The following RYR3 variants were observed in gnomAD, a reference collection of about 807,000 sequenced individuals.
The protein encoded by RYR3 is brain ryanodine receptor-calcium release channel.
RYR3 carries 207 observed loss-of-function variants against 584.3 expected under a neutral mutation model. That is an observed-to-expected ratio of 0.35 (90% CI 0.32 to 0.40). The LOEUF is 0.40. Among genes scored for constraint, RYR3 ranks in the 10% least tolerant of loss-of-function variants. The pLI is 1.00. For synonymous variants in RYR3, 2,416 were observed against 2,248.5 expected (o/e 1.07, Z -2.11); for missense variants, 5,616 against 6,089.2 (o/e 0.92, Z 2.59).
At position 33,660,296 on chromosome 15, in the gene RYR3, C is replaced by T. The variant is rs757410936; in HGVS notation, c.4495C>T (p.Leu1499Phe). 12 of 1,571,180 alleles carry T rather than the reference C, an allele frequency of 7.6e-6. 1 individual carries two copies. In the Admixed American group the frequency reaches 2.2e-4, roughly 29 times the overall value. ...GGACGTCCAAACCATCCAGCCCGTG[C>T]TCTGGAGCCGCATGCCCAACAGCTT... ...RLDVQTIQPV[L>F]WSRMPNSFLK... Residue 1499 changes from leucine (L) to phenylalanine (F), a missense_variant, in exon 34 of 104, where the codon CTC becomes TTC. Leu to Phe is a conservative substitution (Grantham distance 22). Transcript: ENST00000634891.
At chr15:33,642,960 A>G (rs1222029915) in intron 27 of RYR3, among the ~76,000 whole-genome samples, 2 of 152,250 alleles carry the variant, frequency 1.3e-5, no homozygotes, top group Non-Finnish European at 2.9e-5. Flanking sequence ...TATAGTTTCT[A>G]AAAGCAACCA....
chr15:33,573,065 T>C (rs2058119245), intron 12 of RYR3, among the ~76,000 whole-genome samples: 1 of 152,198 alleles, frequency 6.6e-6, no homozygotes. Flanking sequence ...AGATTGTTAT[T>C]TTGAATGATT....
At chr15:33,683,496 A>G (rs1272896789) in intron 38 of RYR3, among the ~76,000 whole-genome samples, 3 of 152,158 alleles carry the variant, frequency 2.0e-5, no homozygotes, top group Non-Finnish European at 4.4e-5. Flanking sequence ...TGAAAATCCT[A>G]CCAAAATTGG....
chr15:33,617,758 G>A (rs150757765), intron 19 of RYR3, among the ~76,000 whole-genome samples: 113 of 123,168 alleles, frequency 9.2e-4, no homozygotes, highest in African/African-American at 3.2e-3. Flanking sequence ...CCTGCCAGCC[G>A]TCATCGAAGA....
At chr15:33,592,843 G>T (rs982428010) in intron 16 of RYR3, among the ~76,000 whole-genome samples, 1 of 152,192 alleles carries the variant, frequency 6.6e-6, no homozygotes, top group East Asian at 1.9e-4. Flanking sequence ...TTTTGCCAAG[G>T]TTGAGGACGT....
At chr15:33,755,974 A>G (rs1054055555) in intron 58 of RYR3, among the ~76,000 whole-genome samples, 2 of 152,112 alleles carry the variant, frequency 1.3e-5, no homozygotes, top group African/African-American at 2.4e-5. Flanking sequence ...GGGTTTCACC[A>G]TGTTGTCCAG....
At chr15:33,666,225 C>A (rs1358728338) in intron 36 of RYR3, among the ~76,000 whole-genome samples, 1 of 152,088 alleles carries the variant, frequency 6.6e-6, no homozygotes, top group South Asian at 2.1e-4. Flanking sequence ...AGGCTGGTCT[C>A]GAACTCCTGA....
At chr15:33,767,475 A>G (rs1329827730) in intron 60 of RYR3, among the ~76,000 whole-genome samples, 1 of 152,190 alleles carries the variant, frequency 6.6e-6, no homozygotes, top group African/African-American at 2.4e-5. Flanking sequence ...AGCCATGGGA[A>G]CTTTTGTTGT....
intron 1 of RYR3, among the ~76,000 whole-genome samples, chr15:33,469,872 T>A (rs2142180893): frequency 6.6e-6 from 1 of 152,062 alleles, no homozygotes; most frequent in African/African-American, 2.4e-5. Context: ...AAAATAGAGA[T>A]GGGAAGGATC....
intron 76 of RYR3, among the ~76,000 whole-genome samples, chr15:33,818,997 C>T (rs1596786694): frequency 6.6e-6 from 1 of 152,128 alleles, no homozygotes; most frequent in Non-Finnish European, 1.5e-5. Context: ...GTGGTGCACG[C>T]ATGTAATCCC....
intron 60 of RYR3, among the ~76,000 whole-genome samples, chr15:33,767,857 G>GT (rs2073231636): frequency 6.6e-6 from 1 of 152,202 alleles, no homozygotes; most frequent in Admixed American, 6.5e-5. Context: ...GATGGCCACA[G>GT]TGCCCCTAGG....
chr15:33,839,067 T>TA, intron 89 of RYR3, 109 bp downstream of exon 89: 1 of 1,337,414 alleles, frequency 7.5e-7, no homozygotes. Flanking sequence ...CACTCTATGT[T>TA]AGACAGTGGC....
At chr15:33,650,494 A>T (rs2062403363) in intron 31 of RYR3, among the ~76,000 whole-genome samples, 1 of 152,224 alleles carries the variant, frequency 6.6e-6, no homozygotes, top group South Asian at 2.1e-4. Flanking sequence ...TTATCTAAAG[A>T]TGAGGATAAT....
chr15:33,789,193 T>A (rs2074934915), intron 67 of RYR3, among the ~76,000 whole-genome samples: 1 of 152,038 alleles, frequency 6.6e-6, no homozygotes, highest in South Asian at 2.1e-4. Context: ...CAGTAGAAGA[T>A]GTCAGAGAGG....
intron 26 of RYR3, among the ~76,000 whole-genome samples, chr15:33,636,031 A>G (rs747898224): frequency 1.2e-4 from 19 of 152,148 alleles, no homozygotes; most frequent in Non-Finnish European, 2.6e-4. Flanking sequence ...TCCTTTCTAC[A>G]ATCACCTTCA....
chr15:33,484,191 A>G (rs534602923), intron 2 of RYR3, among the ~76,000 whole-genome samples: 1 of 152,250 alleles, frequency 6.6e-6, no homozygotes, highest in East Asian at 1.9e-4. Context: ...GAAAAAAAAA[A>G]TGACGGTTGA....
intron 1 of RYR3, among the ~76,000 whole-genome samples, chr15:33,433,531 TAGTA>T (rs2045389286): frequency 6.6e-6 from 1 of 151,756 alleles, no homozygotes; most frequent in South Asian, 2.1e-4. Flanking sequence ...GAAGATAGAT[TAGTA>T]AGTAAATAAA....
intron 45 of RYR3, among the ~76,000 whole-genome samples, chr15:33,725,976 CAA>C (rs61503360): frequency 0.046 from 1,465 of 31,508 alleles, 118 homozygotes; most frequent in African/African-American, 0.14. Flanking sequence ...TCCCCCCCCC[CAA>C]AAAAAAAAAA....
At chr15:33,585,964 A>ATG in intron 15 of RYR3, 34 bp from the exon 16 acceptor site, 1 of 1,331,406 alleles carries the variant, frequency 7.5e-7, no homozygotes, top group Non-Finnish European at 1.1e-6. Context: ...AGGGCATTTA[A>ATG]TGTCCAAATT....
Sources: gnomAD v4.1 joint callset for allele counts (sites outside exome capture counted in the v4.1 genomes callset) on GRCh38, gnomAD v4.1.1 for gene constraint, MANE v1.5 for transcripts, NCBI Gene and HGNC (gene_info 2026-07-23, HGNC 2026-07-21) for gene names.